GABRB1: variants seen among roughly 807,000 people sequenced by gnomAD.
GABRB1 encodes the protein gamma-aminobutyric acid receptor subunit beta-1.
A neutral mutation model predicts 51.6 loss-of-function variants in GABRB1; 17 were observed. The observed-to-expected ratio is 0.33, with a 90% CI of 0.23 to 0.49. The LOEUF (loss-of-function observed/expected upper bound fraction) is 0.49. Among genes scored for constraint, GABRB1 ranks in the 20% least tolerant of loss-of-function variants. The pLI is 0.99. For missense variants in GABRB1, 410 were observed against 600.6 expected (o/e 0.68, Z 3.32); for synonymous variants, 247 against 218.9 (o/e 1.13, Z -1.14).
At chr4:47,285,266 T>C (rs773959937) in intron 4 of GABRB1, among the ~76,000 whole-genome samples, 5 of 152,240 alleles carry the variant, frequency 3.3e-5, no homozygotes, top group Non-Finnish European at 7.3e-5. Context: ...AGTTCTTGGA[T>C]AGGAAACAAG....
At chr4:47,103,700 CAT>C (rs943908082) in intron 3 of GABRB1, among the ~76,000 whole-genome samples, 41 of 151,980 alleles carry the variant, frequency 2.7e-4, no homozygotes, top group African/African-American at 9.6e-4. Context: ...CAATAATAAA[CAT>C]ATTTTAAAAT....
At chr4:47,318,411 T>C (rs1182608587) in intron 4 of GABRB1, among the ~76,000 whole-genome samples, 1 of 152,012 alleles carries the variant, frequency 6.6e-6, no homozygotes, top group East Asian at 1.9e-4. Flanking sequence ...CTTCCTCTCT[T>C]GCTGCAGCAA....
chr4:47,004,179 G>A (rs1478272917), intron 1 of GABRB1, among the ~76,000 whole-genome samples: 1 of 152,000 alleles, frequency 6.6e-6, no homozygotes, highest in African/African-American at 2.4e-5. Context: ...AGTAGAGACG[G>A]GGTTTCACCA....
chr4:47,294,867 C>A (rs1255630465), intron 4 of GABRB1, among the ~76,000 whole-genome samples: 4 of 152,184 alleles, frequency 2.6e-5, no homozygotes, highest in Middle Eastern at 3.2e-3. Context: ...ACAGTAGGGG[C>A]AGACTGACAC....
intron 3 of GABRB1, among the ~76,000 whole-genome samples, chr4:47,043,925 G>A (rs1366447227): frequency 6.6e-6 from 1 of 152,118 alleles, no homozygotes; most frequent in Non-Finnish European, 1.5e-5. Flanking sequence ...GGTTGCATGA[G>A]AGAACAGGTT....
chr4:47,331,235 G>A (rs896177225), intron 5 of GABRB1, among the ~76,000 whole-genome samples: 4 of 152,078 alleles, frequency 2.6e-5, no homozygotes, highest in African/African-American at 9.7e-5. Context: ...GGGGTGGGTG[G>A]AGAGAGGAAG....
Position 47,425,830 on chromosome 4 carries a change from G to A in GABRB1, c.1237G>A (p.Ala413Thr), listed in dbSNP as rs1312770614. 1 of 1,614,044 alleles carries A rather than the reference G, an allele frequency of 6.2e-7. No individual in the cohort carries two copies. Among genetic ancestry groups the A allele is most frequent in the Non-Finnish European group, 8.5e-7 (1 of 1,180,002 alleles). ...CCGCAAGCCCCTGAGCAGCCGCGAG[G>A]CCTACGGGCGCGCCCTGGACCGGCA... is the stretch of plus-strand genomic sequence containing the variant. ...QYRKPLSSRE[A>T]YGRALDRHGV... The change falls in exon 9 of 9, where the codon GCC becomes ACC. Residue 413 changes from alanine to threonine, a missense_variant. Ala to Thr is a moderately conservative substitution (Grantham distance 58). Transcript: ENST00000295454.
chr4:47,040,162 A>G (rs1725775801), intron 3 of GABRB1, among the ~76,000 whole-genome samples: 2 of 152,184 alleles, frequency 1.3e-5, no homozygotes, highest in Admixed American at 6.5e-5. Flanking sequence ...GCAAACAGAT[A>G]AAGAAGTGAT....
chr4:47,069,453 A>G (rs955589510), intron 3 of GABRB1, among the ~76,000 whole-genome samples: 7 of 152,224 alleles, frequency 4.6e-5, no homozygotes, highest in Non-Finnish European at 8.8e-5. Context: ...TTGAAAAATG[A>G]CTGCTAATTT....
At chr4:47,315,693 C>A (rs1250801042) in intron 4 of GABRB1, among the ~76,000 whole-genome samples, 4 of 151,820 alleles carry the variant, frequency 2.6e-5, no homozygotes, top group African/African-American at 9.7e-5. Context: ...TGGAATACTA[C>A]ACAACCTTAA....
chr4:47,373,840 C>T (rs750411308), intron 5 of GABRB1, among the ~76,000 whole-genome samples: 30 of 152,082 alleles, frequency 2.0e-4, no homozygotes, highest in Admixed American at 7.2e-4. Context: ...ATATAGAGTG[C>T]GTATCAGCTC....
At chr4:47,135,797 T>C (rs1462610908) in intron 3 of GABRB1, among the ~76,000 whole-genome samples, 2 of 152,116 alleles carry the variant, frequency 1.3e-5, no homozygotes, top group Admixed American at 6.5e-5. Flanking sequence ...GGCTCTTTCC[T>C]GACTTAAAAA....
At chr4:47,295,762 A>G (rs1723963490) in intron 4 of GABRB1, among the ~76,000 whole-genome samples, 1 of 152,220 alleles carries the variant, frequency 6.6e-6, no homozygotes, top group Admixed American at 6.5e-5. Context: ...AGAGAATGCC[A>G]CAAAGATACT....
At chr4:47,049,151 A>G (rs541670887) in intron 3 of GABRB1, among the ~76,000 whole-genome samples, 45 of 151,894 alleles carry the variant, frequency 3.0e-4, no homozygotes, top group Admixed American at 5.2e-4. Context: ...CATCCATGTC[A>G]TGGTTCATAA....
chr4:47,407,329 A>G (rs1393965319), intron 8 of GABRB1, among the ~76,000 whole-genome samples: 1 of 152,212 alleles, frequency 6.6e-6, no homozygotes, highest in Non-Finnish European at 1.5e-5. Flanking sequence ...TTAGTCACCT[A>G]ATGGCTTTAC....
chr4:47,399,604 T>C (rs981971221), intron 5 of GABRB1, among the ~76,000 whole-genome samples: 4 of 152,238 alleles, frequency 2.6e-5, no homozygotes, highest in Non-Finnish European at 5.9e-5. Flanking sequence ...TCTGTCCTGA[T>C]TGATCTGTTT....
chr4:47,243,773 G>A (rs1721629418), intron 4 of GABRB1, among the ~76,000 whole-genome samples: 1 of 152,148 alleles, frequency 6.6e-6, no homozygotes, highest in Non-Finnish European at 1.5e-5. Context: ...TCAGCTTAAG[G>A]AGATTTTGGG....
intron 4 of GABRB1, among the ~76,000 whole-genome samples, chr4:47,250,696 C>A (rs1375582314): frequency 6.6e-6 from 1 of 152,090 alleles, no homozygotes; most frequent in Admixed American, 6.6e-5. Flanking sequence ...AACTTTAAAA[C>A]CTCGTCTTAG....
chr4:47,220,466 G>A (rs748264024), intron 4 of GABRB1, among the ~76,000 whole-genome samples: 6 of 151,816 alleles, frequency 4.0e-5, no homozygotes, highest in Non-Finnish European at 8.8e-5. Context: ...CTTCATAACT[G>A]TCTCTCTACA....
Sources: gnomAD v4.1 joint callset for allele counts (sites outside exome capture counted in the v4.1 genomes callset) on GRCh38, gnomAD v4.1.1 for gene constraint, MANE v1.5 for transcripts, NCBI Gene and HGNC (gene_info 2026-07-23, HGNC 2026-07-21) for gene names.